The following CMKLR1 variants were observed in gnomAD, a reference collection of about 807,000 sequenced individuals.
CMKLR1 encodes chemerin chemokine-like receptor 1.
CMKLR1 carries 6 observed loss-of-function variants against 8.2 expected under a neutral mutation model. That is an observed-to-expected ratio of 0.73 (90% CI 0.40 to 1.44). The LOEUF (loss-of-function observed/expected upper bound fraction) is 1.44. Ranked by LOEUF, CMKLR1 falls within the 40% of genes most tolerant of loss-of-function variation. CMKLR1 has a pLI of 0.02. For missense variants in CMKLR1, 429 were observed against 478.0 expected (o/e 0.90, Z 0.96); for synonymous variants, 178 against 181.2 (o/e 0.98, Z 0.14).
chr12:108,325,989 G>A (rs1891974786), intron 2 of CMKLR1, among the ~76,000 whole-genome samples: 1 of 152,152 alleles, frequency 6.6e-6, no homozygotes, highest in Admixed American at 6.5e-5. Context: ...CTGGCGGGTG[G>A]GTGGGCAGTG....
chr12:108,331,848 C>T (rs12372117), intron 1 of CMKLR1, among the ~76,000 whole-genome samples: 8,294 of 152,168 alleles, frequency 0.055, 330 homozygotes, highest in South Asian at 0.094. Context: ...CTAGGGCCTC[C>T]GGAAGAGATG....
At chr12:108,327,611 G>A (rs1892008489) in intron 2 of CMKLR1, among the ~76,000 whole-genome samples, 1 of 152,234 alleles carries the variant, frequency 6.6e-6, no homozygotes, top group Admixed American at 6.5e-5. Context: ...TCTGATGAGT[G>A]TCTGTGAAGC....
chr12:108,329,240 G>A (rs1422466552), intron 2 of CMKLR1, among the ~76,000 whole-genome samples: 1 of 152,192 alleles, frequency 6.6e-6, no homozygotes, highest in Non-Finnish European at 1.5e-5. Flanking sequence ...GGAAAATTGG[G>A]TGGGGCCTTC....
Position 108,289,179 on chromosome 12 carries a change from C to T in CMKLR1, c.*2662G>A, listed in dbSNP as rs565989995. 1 of 152,372 alleles carries T rather than the reference C, an allele frequency of 6.6e-6. No homozygotes were observed. The allele number at this position is 152,372 out of a possible 1,614,324, so 9.4% of individuals were successfully genotyped here. ...TGTCCTCACGATCCCTCAGCTCCCC[C>T]ACCCCACCCAGGAGGCAGGGCTAAG... is the stretch of plus-strand genomic sequence containing the variant. On this transcript the variant is annotated 3_prime_UTR_variant, in exon 4 of 4. Coordinates refer to ENST00000550402, the MANE Select transcript of CMKLR1 (RefSeq NM_001142343.2).
intron 2 of CMKLR1, among the ~76,000 whole-genome samples, chr12:108,295,228 C>T (rs999959225): frequency 6.6e-6 from 1 of 152,326 alleles, no homozygotes; most frequent in South Asian, 2.1e-4. Flanking sequence ...TCACTTTAAC[C>T]CCATAAGGGG....
chr12:108,296,812 G>A (rs1460721034), intron 2 of CMKLR1, among the ~76,000 whole-genome samples: 1 of 151,454 alleles, frequency 6.6e-6, no homozygotes, highest in African/African-American at 2.4e-5. Flanking sequence ...ACCACAGGGT[G>A]AGACTGTCTT....
intron 2 of CMKLR1, among the ~76,000 whole-genome samples, chr12:108,309,042 C>A (rs1891483386): frequency 6.6e-6 from 1 of 152,164 alleles, no homozygotes; most frequent in Non-Finnish European, 1.5e-5. Context: ...TGACCATGGG[C>A]AAGTCATCAC....
intron 2 of CMKLR1, among the ~76,000 whole-genome samples, chr12:108,323,353 T>C (rs1261419022): frequency 6.6e-6 from 1 of 152,154 alleles, no homozygotes. Flanking sequence ...TTTATTTATT[T>C]ATTTATTTAT....
chr12:108,328,510 C>G (rs1174192045), intron 2 of CMKLR1, among the ~76,000 whole-genome samples: 1 of 152,168 alleles, frequency 6.6e-6, no homozygotes, highest in Non-Finnish European at 1.5e-5. Context: ...CTGAGGCCTC[C>G]CAGCCAGCAC....
At chr12:108,327,409 G>C (rs1007938634) in intron 2 of CMKLR1, among the ~76,000 whole-genome samples, 3 of 152,212 alleles carry the variant, frequency 2.0e-5, no homozygotes, top group African/African-American at 7.2e-5. Context: ...GAGCCCAGGA[G>C]TTCAAGGCTA....
Position 108,291,489 on chromosome 12 carries a change from A to G in CMKLR1, c.*352T>C, listed in dbSNP as rs947100672. 4.0e-6 allele frequency: 1 copy of G among 250,502 alleles called. No individual in the cohort carries two copies. The highest frequency in any genetic ancestry group is 7.7e-6 in the Non-Finnish European group (1 of 130,102). The allele number at this position is 250,502 out of a possible 1,614,324, so 15.5% of individuals were successfully genotyped here. On this transcript the variant is annotated 3_prime_UTR_variant, in exon 4 of 4. Transcript: ENST00000550402. The stretch of plus-strand genomic sequence containing the variant: ...CTCACACCAGGAATGGACCTTGGAG[A>G]GTGTCATTTCTGGGGCACACACAAT...
At position 108,309,376 on chromosome 12, in the gene CMKLR1, G is replaced by A. The variant is rs552247749; in HGVS notation, c.-73-15712C>T. On this transcript the variant is annotated intron_variant, in intron 2 of 3. Transcript: ENST00000550402. ...TTGAATGGAGACCTGAATACACAGA[G>A]AGGGAGACATGGGCTGGTGCTGTGG... Among the ~76,000 whole-genome samples the A allele has an allele frequency of 3.9e-5, 6 of 152,282 alleles. No homozygotes were observed. The South Asian group carries it at 1.2e-3, about 32-fold the overall frequency.
intron 2 of CMKLR1, 146 bp from the exon 3 acceptor site, chr12:108,293,810 T>A: frequency 1.6e-6 from 1 of 613,926 alleles, no homozygotes; most frequent in South Asian, 2.0e-5. Context: ...AGGCTGTTAT[T>A]CAGCCAAGGT....
chr12:108,316,261 G>A (rs987333302), intron 2 of CMKLR1, among the ~76,000 whole-genome samples: 1 of 152,194 alleles, frequency 6.6e-6, no homozygotes, highest in Non-Finnish European at 1.5e-5. Flanking sequence ...TGAGGGAAGA[G>A]CCCTCTTCAC....
intron 2 of CMKLR1, chr12:108,317,872 A>ATGT (rs1196622369): frequency 6.6e-6 from 1 of 152,192 alleles, no homozygotes; most frequent in Non-Finnish European, 1.5e-5. Context: ...CCACCTCCCT[A>ATGT]TGTTAGTTCC....
intron 2 of CMKLR1, among the ~76,000 whole-genome samples, chr12:108,300,474 A>C (rs1363732685): frequency 6.6e-6 from 1 of 152,070 alleles, no homozygotes; most frequent in Non-Finnish European, 1.5e-5. Flanking sequence ...TTGATGAATG[A>C]ATGAATGAAT....
rs550218384 is a variant in CMKLR1 at position 108,306,796 on chromosome 12, C to T, written c.-73-13132G>A. 1.5e-4 allele frequency among the ~76,000 whole-genome samples: 23 copies of T among 152,272 alleles called. No homozygotes were observed. The South Asian group carries it at 4.8e-3, about 32-fold the overall frequency. On this transcript the variant is annotated intron_variant, in intron 2 of 3. Transcript: ENST00000550402. ...CCCAGACCCAGACGGAACCAAGTTC[C>T]ATGAGAACACGCCCTTGCAAACTCA...
chr12:108,336,285 G>A (rs1445606290), intron 1 of CMKLR1, among the ~76,000 whole-genome samples: 2 of 152,170 alleles, frequency 1.3e-5, no homozygotes, highest in African/African-American at 4.8e-5. Context: ...AGTGGCTCAC[G>A]CCTGTAATCC....
chr12:108,293,192 G>A (rs1195324506), intron 3 of CMKLR1, among the ~76,000 whole-genome samples: 1 of 152,202 alleles, frequency 6.6e-6, no homozygotes, highest in African/African-American at 2.4e-5. Context: ...ACTCAATGAG[G>A]TAGGTAGGTT....
Sources: gnomAD v4.1 joint callset for allele counts (sites outside exome capture counted in the v4.1 genomes callset) on GRCh38, gnomAD v4.1.1 for gene constraint, MANE v1.5 for transcripts, NCBI Gene and HGNC (gene_info 2026-07-23, HGNC 2026-07-21) for gene names.